The following PLD5 variants were observed in gnomAD, a reference collection of about 807,000 sequenced individuals.
PLD5 encodes inactive phospholipase D5.
Under a neutral mutation model 61.1 loss-of-function variants are expected in PLD5, and 36 were observed. The ratio of observed to expected loss-of-function variants is 0.59; its 90% confidence interval spans 0.45 to 0.78. The LOEUF (loss-of-function observed/expected upper bound fraction) is 0.78, where lower values mean the gene tolerates loss of function less well. Among genes scored for constraint, PLD5 ranks in the 30% least tolerant of loss-of-function variants. The probability of loss-of-function intolerance (pLI) is 0.00; values close to 1 mark genes in which losing one functional copy is unlikely to be tolerated. For synonymous variants in PLD5, 243 were observed against 242.8 expected, an observed-to-expected ratio of 1.00 and a Z score of -0.01; for missense variants, 515 against 644.4, an observed-to-expected ratio of 0.80 and a Z score of 2.17.
chr1:242,121,602 A>G (rs887048882), intron 6 of PLD5, among the ~76,000 whole-genome samples: 1 of 152,208 alleles, frequency 6.6e-6, no homozygotes, highest in Non-Finnish European at 1.5e-5. Context: ...TATATACCCA[A>G]AGGATTATAA....
At chr1:242,376,182 A>G (rs1005052562) in intron 1 of PLD5, among the ~76,000 whole-genome samples, 20 of 152,030 alleles carry the variant, frequency 1.3e-4, no homozygotes, top group African/African-American at 4.8e-4. Context: ...AACAAGTCCC[A>G]TTTTTTTCTT....
At position 242,083,980 on chromosome 1, in the gene PLD5, G is replaced by A. The variant is rs1409559119; in HGVS notation, c.*5874C>T. 5.9e-5 allele frequency: 9 copies of A among 152,270 alleles called. No individual in the cohort carries two copies. The South Asian group carries it at 1.7e-3, about 28-fold the overall frequency. 9.4% of individuals were successfully genotyped at this position (152,270 alleles called of 1,614,324 possible). On this transcript the variant is annotated 3_prime_UTR_variant, in exon 10 of 10. Coordinates refer to ENST00000536534, the MANE Select transcript of PLD5 (RefSeq NM_001372062.1). Reference sequence around the variant, plus strand: ...TTTTCCGCCCATGGGGAATAGGAGAGTCCATAAGGGAATTAATAATTTTTT... The same window carrying A: ...TTTTCCGCCCATGGGGAATAGGAGAATCCATAAGGGAATTAATAATTTTTT...
At chr1:242,397,689 T>C (rs963644672) in intron 1 of PLD5, among the ~76,000 whole-genome samples, 1 of 152,168 alleles carries the variant, frequency 6.6e-6, no homozygotes, top group Non-Finnish European at 1.5e-5. Flanking sequence ...ACCTAGTTAC[T>C]TTAAGACTAT....
intron 5 of PLD5, among the ~76,000 whole-genome samples, chr1:242,207,748 TTATATA>T (rs1180047217): frequency 1.3e-5 from 1 of 78,274 alleles, no homozygotes; most frequent in African/African-American, 4.8e-5. Context: ...TTATATATAT[TTATATA>T]TATTTATATT....
intron 9 of PLD5, among the ~76,000 whole-genome samples, chr1:242,093,814 C>G (rs1660025244): frequency 6.6e-6 from 1 of 150,756 alleles, no homozygotes; most frequent in Non-Finnish European, 1.5e-5. Flanking sequence ...CGGGGGCAGC[C>G]TGGGGTGGGG....
At chr1:242,416,309 T>C (rs958742067) in intron 1 of PLD5, among the ~76,000 whole-genome samples, 3 of 152,204 alleles carry the variant, frequency 2.0e-5, no homozygotes, top group African/African-American at 7.2e-5. Flanking sequence ...ATGAAGGTTG[T>C]ATTATACTCT....
Position 242,090,042 on chromosome 1 carries a change from C to T in PLD5, c.1423G>A (p.Asp475Asn). ...AGTGLVINQA[D>N]VRNNRSIIKQ... ...ATGATGCTTCTGTTGTTCCTCACAT[C>T]TGCCTGGTTGATAACAAGGCCCGTG... Residue 475 changes from aspartate (D) to asparagine (N), a missense_variant, in exon 10 of 10, where the codon GAT becomes AAT. By Grantham distance (23) the Asp-to-Asn change is conservative. This residue lies in a region of PLD5 where 450 missense variants were observed against 598.1 expected (regional missense o/e 0.75). Transcript: ENST00000536534. The T allele has an allele frequency of 6.2e-7, 1 of 1,614,260 alleles. No homozygotes were observed.
intron 2 of PLD5, among the ~76,000 whole-genome samples, chr1:242,318,307 CCT>C (rs1188714612): frequency 1.3e-5 from 2 of 152,120 alleles, no homozygotes; most frequent in Non-Finnish European, 2.9e-5. Context: ...GAGCCAGCAC[CCT>C]GAGTCCCGCC....
chr1:242,477,206 C>T lies in PLD5; in HGVS notation c.189+46882G>A, dbSNP rs12073121. ...TAGAGGTTGCGGTGAGCTGAGATCA[C>T]GTCATTGCCCTCCAGCCTGGGTGAC... On this transcript the variant is annotated intron_variant, in intron 1 of 9. Coordinates refer to ENST00000536534, the MANE Select transcript of PLD5 (RefSeq NM_001372062.1). 8.2e-3 allele frequency among the ~76,000 whole-genome samples: 1,242 copies of T among 151,946 alleles called. 19 individuals carry two copies. Among genetic ancestry groups the T allele is most frequent in the African/African-American group, 0.029 (1,182 of 41,442 alleles).
intron 5 of PLD5, among the ~76,000 whole-genome samples, chr1:242,219,206 A>G (rs940035258): frequency 5.9e-5 from 9 of 152,224 alleles, no homozygotes; most frequent in African/African-American, 9.6e-5. Flanking sequence ...AAAATTCCAC[A>G]TAGTTGAGCA....
At chr1:242,210,364 T>A (rs924918189) in intron 5 of PLD5, 1 of 152,698 alleles carries the variant, frequency 6.5e-6, no homozygotes, top group Non-Finnish European at 1.5e-5. Flanking sequence ...CCCTGTGACT[T>A]GCAGGTATAC....
At chr1:242,095,250 A>C (rs1660137393) in intron 9 of PLD5, among the ~76,000 whole-genome samples, 1 of 151,844 alleles carries the variant, frequency 6.6e-6, no homozygotes, top group Admixed American at 6.6e-5. Flanking sequence ...ATTTATTTAG[A>C]GATGGAGTCT....
chr1:242,374,409 G>C (rs756142355), intron 1 of PLD5, among the ~76,000 whole-genome samples: 3 of 152,084 alleles, frequency 2.0e-5, no homozygotes, highest in Non-Finnish European at 4.4e-5. Context: ...TTGTGGCTCA[G>C]AAAACAATAT....
chr1:242,121,197 C>T (rs116762007), intron 6 of PLD5, among the ~76,000 whole-genome samples: 284 of 152,244 alleles, frequency 1.9e-3, no homozygotes, highest in African/African-American at 6.5e-3. Flanking sequence ...AAAACCTATC[C>T]AACATTCATT....
intron 5 of PLD5, among the ~76,000 whole-genome samples, chr1:242,214,270 A>G (rs1026894715): frequency 1.3e-5 from 2 of 152,214 alleles, no homozygotes; most frequent in African/African-American, 4.8e-5. Context: ...ACTAGCACTC[A>G]GAGAACTGAG....
At chr1:242,529,786 C>CCTTCCTTCCTTCCTTCTTT in the PLD5 span, among the ~76,000 whole-genome samples, 2 of 122,090 alleles carry the variant, frequency 1.6e-5, no homozygotes, top group Non-Finnish European at 3.6e-5. Context: ...GATCTTCCTT[C>CCTTCCTTCCTTCCTTCTTT]CTTCCTTCCT....
At chr1:242,384,300 T>C (rs1200797651) in intron 1 of PLD5, among the ~76,000 whole-genome samples, 1 of 152,222 alleles carries the variant, frequency 6.6e-6, no homozygotes, top group African/African-American at 2.4e-5. Context: ...GCTGGGAGTT[T>C]CCATGTGTTG....
At position 242,160,529 on chromosome 1, in the gene PLD5, C is replaced by G. The variant is rs532750784; in HGVS notation, c.736-35864G>C. On this transcript the variant is annotated intron_variant, in intron 5 of 9. Transcript: ENST00000536534. The stretch of plus-strand genomic sequence containing the variant: ...TGTGGTTAAATAAATGACAATATGT[C>G]CATGTAAGTGAATATGTTATTGAGC... Among the ~76,000 whole-genome samples, 166 of 152,192 alleles carry G rather than the reference C, an allele frequency of 1.1e-3. 1 individual carries two copies. Among genetic ancestry groups the G allele is most frequent in the African/African-American group, 3.9e-3 (160 of 41,494 alleles).
chr1:242,292,906 T>C (rs1675449826), intron 2 of PLD5, among the ~76,000 whole-genome samples: 1 of 133,928 alleles, frequency 7.5e-6, no homozygotes, highest in Non-Finnish European at 1.7e-5. Context: ...CAGTTTCCTT[T>C]GCAATCCTCT....
Sources: allele counts gnomAD v4.1 joint callset (sites outside exome capture counted in the v4.1 genomes callset), GRCh38; gene constraint gnomAD v4.1.1; regional missense constraint gnomAD v4.1.1; transcripts MANE v1.5; gene names NCBI Gene and HGNC (gene_info 2026-07-23, HGNC 2026-07-21).